Variants in GOPC observed in about 807,000 individuals in gnomAD.
The protein encoded by GOPC is golgi associated PDZ and coiled-coil motif containing.
In GOPC, 32 loss-of-function variants were observed where a neutral mutation model predicts 51.2. That is an observed-to-expected ratio of 0.63 (90% CI 0.47 to 0.84). The LOEUF (loss-of-function observed/expected upper bound fraction) is 0.84, where lower values mean the gene tolerates loss of function less well. Among genes scored for constraint, GOPC ranks in the 40% least tolerant of loss-of-function variants. The pLI, the probability that GOPC is intolerant of heterozygous loss-of-function variation, is 0.00. For missense variants in GOPC, 441 were observed against 555.5 expected, an observed-to-expected ratio of 0.79 and a Z score of 2.07; for synonymous variants, 190 against 205.1, an observed-to-expected ratio of 0.93 and a Z score of 0.63.
rs1333613109 is a variant in GOPC, at chr6:117,560,661, T to C, written c.*2593A>G. 2 of 195,974 alleles carry C rather than the reference T, an allele frequency of 1.0e-5. No individual in the cohort carries two copies. Among genetic ancestry groups the C allele is most frequent in the East Asian group, 1.6e-4 (2 of 12,420 alleles). 12.1% of individuals were successfully genotyped at this position (195,974 alleles called of 1,614,324 possible). ...GTCTTTCTCAAATTTATTTTAACAA[T>C]AGTCTCACCACCAAAATGTTGCTTT... On this transcript the variant is annotated 3_prime_UTR_variant, in exon 9 of 9. Coordinates refer to ENST00000368498, the MANE Select transcript of GOPC (RefSeq NM_020399.4).
At chr6:117,580,639 T>A (rs1444373390) in intron 1 of GOPC, among the ~76,000 whole-genome samples, 1 of 152,148 alleles carries the variant, frequency 6.6e-6, no homozygotes, top group African/African-American at 2.4e-5. Flanking sequence ...TAATTCAATA[T>A]CATAAAATTC....
At chr6:117,575,412 A>G in intron 3 of GOPC, 60 bp from the exon 4 acceptor site, 1 of 1,239,210 alleles carries the variant, frequency 8.1e-7, no homozygotes, top group Non-Finnish European at 1.2e-6. Context: ...GCACTAGACC[A>G]TGTTCCTGAA....
At chr6:117,577,873 G>C (rs780687717) in intron 2 of GOPC, among the ~76,000 whole-genome samples, 5 of 152,016 alleles carry the variant, frequency 3.3e-5, no homozygotes, top group Non-Finnish European at 5.9e-5. Context: ...AAACTTAAGA[G>C]TTTAACTTAA....
rs142788807 is a variant in GOPC, at chr6:117,583,234, A to T, written c.286-4170T>A. Among the ~76,000 whole-genome samples, 728 of 152,346 alleles carry T rather than the reference A, an allele frequency of 4.8e-3. 10 individuals are homozygous for T. Among genetic ancestry groups the T allele is most frequent in the African/African-American group, 0.017 (705 of 41,592 alleles). ...GTTTGCTCGTGTGCTCCCACCTGCC[A>T]GGAGTTGAGCAGGGTGGGCTGAGTA... On this transcript the variant is annotated intron_variant, in intron 1 of 8. Coordinates refer to ENST00000368498, the MANE Select transcript of GOPC (RefSeq NM_020399.4).
intron 8 of GOPC, among the ~76,000 whole-genome samples, chr6:117,565,317 T>C (rs1214302701): frequency 6.6e-6 from 1 of 152,220 alleles, no homozygotes; most frequent in Non-Finnish European, 1.5e-5. Flanking sequence ...CACACAGATA[T>C]GTAGTTGCTA....
chr6:117,596,404 C>T (rs1328034874), intron 1 of GOPC, among the ~76,000 whole-genome samples: 1 of 152,128 alleles, frequency 6.6e-6, no homozygotes, highest in African/African-American at 2.4e-5. Context: ...AATTAAGTCC[C>T]ATCTATTTAT....
At chr6:117,585,300 A>AT (rs1023673351) in intron 1 of GOPC, among the ~76,000 whole-genome samples, 6 of 152,096 alleles carry the variant, frequency 3.9e-5, no homozygotes, top group Non-Finnish European at 8.8e-5. Flanking sequence ...GCAGGTTTTT[A>AT]TTTTTTTAAC....
chr6:117,600,948 G>A (rs1771995161), intron 1 of GOPC, among the ~76,000 whole-genome samples: 1 of 152,184 alleles, frequency 6.6e-6, no homozygotes, highest in African/African-American at 2.4e-5. Flanking sequence ...ATGGCTAATA[G>A]GAGAGAAAGA....
chr6:117,600,632 C>T (rs1464884203), intron 1 of GOPC, among the ~76,000 whole-genome samples: 1 of 152,040 alleles, frequency 6.6e-6, no homozygotes, highest in Non-Finnish European at 1.5e-5. Flanking sequence ...AGCACTCCAT[C>T]TCTTTTTTGA....
intron 6 of GOPC, 171 bp from the exon 7 acceptor site, chr6:117,569,907 G>T: frequency 8.3e-6 from 6 of 722,642 alleles, no homozygotes; most frequent in Non-Finnish European, 1.2e-5. Flanking sequence ...AAAATTATCA[G>T]AGTATTGAAC....
At chr6:117,586,966 T>C (rs191060986) in intron 1 of GOPC, among the ~76,000 whole-genome samples, 13 of 152,322 alleles carry the variant, frequency 8.5e-5, no homozygotes, top group African/African-American at 3.1e-4. Flanking sequence ...TTCTTTCTTC[T>C]ATGTGCCTGA....
chr6:117,602,443 A>C lies in GOPC; in HGVS notation c.-155T>G. Reference sequence around the variant, plus strand: ...TTAACGCCAGCAGCACAGTCACAGAACCGCAGGAGTAACGAGGCTGAAGCT... The same window carrying C: ...TTAACGCCAGCAGCACAGTCACAGACCCGCAGGAGTAACGAGGCTGAAGCT... On this transcript the variant is annotated 5_prime_UTR_variant, in exon 1 of 9. Transcript: ENST00000368498. The C allele has an allele frequency of 1.5e-6, 1 of 684,006 alleles. No individual in the cohort carries two copies. Among genetic ancestry groups the C allele is most frequent in the Non-Finnish European group, 2.4e-6 (1 of 415,042 alleles). The allele number at this position is 684,006 out of a possible 1,614,324, so 42.4% of individuals were successfully genotyped here. A position where few individuals can be genotyped will look rare whatever the true frequency, so the allele number is the denominator to read the frequency against.
chr6:117,572,865 A>G (rs1449129167), intron 5 of GOPC, among the ~76,000 whole-genome samples: 1 of 152,238 alleles, frequency 6.6e-6, no homozygotes, highest in Non-Finnish European at 1.5e-5. Flanking sequence ...TCTGGTACTA[A>G]GATATGTGAA....
chr6:117,577,466 G>A lies in GOPC; in HGVS notation c.456C>T (p.Gly152=). 3 of 1,604,074 alleles carry A rather than the reference G, an allele frequency of 1.9e-6. No homozygotes were observed. Among genetic ancestry groups the A allele is most frequent in the Non-Finnish European group, 2.6e-6 (3 of 1,175,192 alleles). Residue 152 remains glycine, a synonymous_variant, in exon 3 of 9, where the codon GGC becomes GGT. Coordinates refer to ENST00000368498, the MANE Select transcript of GOPC (RefSeq NM_020399.4). The part of the protein sequence containing the change: ...DSGTIKAKLS[G]PSVEELEREL... ...TACTTACCAGCTCCTCCACAGAGGG[G>A]CCAGACTTCAGATATAAGAAAAAAG... is the stretch of plus-strand genomic sequence containing the variant.
Position 117,569,728 on chromosome 6 carries a change from T to C in GOPC, c.921A>G (p.Lys307=). ...AGATGAGGATTGGAACACCATGTTC[T>C]TTCCCACCCTAACAACAACAAAGGG... is the stretch of plus-strand genomic sequence containing the variant. ...EGLGISITGG[K]EHGVPILISE... The change falls in exon 7 of 9, where the codon AAA becomes AAG. Residue 307 remains lysine (K), a synonymous_variant. Coordinates refer to ENST00000368498, the MANE Select transcript of GOPC (RefSeq NM_020399.4). 6.3e-7 allele frequency: 1 copy of C among 1,588,976 alleles called. No individual in the cohort carries two copies. The highest frequency in any genetic ancestry group is 1.2e-5 in the South Asian group (1 of 86,138).
In GOPC at chr6:117,560,482, T is replaced by C. The variant is rs1380459225; in HGVS notation, c.*2772A>G. The C allele has an allele frequency of 3.1e-5, 6 of 193,438 alleles. No individual in the cohort carries two copies. The highest frequency in any genetic ancestry group is 6.5e-5 in the Non-Finnish European group (6 of 92,476). 12.0% of individuals were successfully genotyped at this position (193,438 alleles called of 1,614,324 possible). ...TACATAATCAGGATGTCAAATACTG[T>C]GCATCTTACACATGAATCACATGAA... is the stretch of plus-strand genomic sequence containing the variant. On this transcript the variant is annotated 3_prime_UTR_variant, in exon 9 of 9. Coordinates refer to ENST00000368498, the MANE Select transcript of GOPC (RefSeq NM_020399.4).
chr6:117,596,666 T>A (rs2114630225), intron 1 of GOPC, among the ~76,000 whole-genome samples: 1 of 152,344 alleles, frequency 6.6e-6, no homozygotes, highest in East Asian at 1.9e-4. Flanking sequence ...CCTCACTTTA[T>A]GTTTTTGTTT....
rs1415357324 is a variant in GOPC at position 117,560,314 on chromosome 6, A to G, written c.*2940T>C. On this transcript the variant is annotated 3_prime_UTR_variant, in exon 9 of 9. Transcript: ENST00000368498. ...ATGTTTATTTAAAAAAATGAGATCA[A>G]TATCATTTTAATGTAGAAGATGCCA... The G allele has an allele frequency of 1.1e-5, 2 of 177,488 alleles. No homozygotes were observed. Among genetic ancestry groups the G allele is most frequent in the Non-Finnish European group, 2.4e-5 (2 of 82,336 alleles). 11.0% of individuals were successfully genotyped at this position (177,488 alleles called of 1,614,324 possible). A position where few individuals can be genotyped will look rare whatever the true frequency, so the allele number is the denominator to read the frequency against.
At chr6:117,586,781 G>C (rs1780039132) in intron 1 of GOPC, among the ~76,000 whole-genome samples, 1 of 152,094 alleles carries the variant, frequency 6.6e-6, no homozygotes, top group Non-Finnish European at 1.5e-5. Flanking sequence ...AAGATCCTAA[G>C]CTACCTGACA....
Sources: allele counts gnomAD v4.1 joint callset (sites outside exome capture counted in the v4.1 genomes callset), GRCh38; gene constraint gnomAD v4.1.1; transcripts MANE v1.5; gene names NCBI Gene and HGNC (gene_info 2026-07-23, HGNC 2026-07-21).